The following SYT1 variants were observed in gnomAD, a reference collection of about 807,000 sequenced individuals.
SYT1 encodes the protein synaptotagmin 1.
SYT1 carries 8 observed loss-of-function variants against 44.8 expected under a neutral mutation model. That is an observed-to-expected ratio of 0.18 (90% CI 0.10 to 0.32). The LOEUF (loss-of-function observed/expected upper bound fraction) is 0.32. SYT1 is among the 10% of genes least tolerant of loss of function. SYT1 has a pLI of 1.00. For synonymous variants in SYT1, 154 were observed against 188.8 expected (o/e 0.82, Z 1.51); for missense variants, 286 against 509.3 (o/e 0.56, Z 4.22).
intron 4 of SYT1, among the ~76,000 whole-genome samples, chr12:79,236,562 T>A (rs891516523): frequency 6.6e-6 from 1 of 152,214 alleles, no homozygotes; most frequent in East Asian, 1.9e-4. Flanking sequence ...TATTACTCAT[T>A]TAATATACTT....
chr12:79,258,651 T>TA (rs1877663981), intron 4 of SYT1, among the ~76,000 whole-genome samples: 2 of 152,160 alleles, frequency 1.3e-5, no homozygotes, highest in Admixed American at 1.3e-4. Flanking sequence ...AGAAGACACT[T>TA]ATGTGTAATA....
At chr12:79,101,861 A>G (rs1315395360) in intron 3 of SYT1, among the ~76,000 whole-genome samples, 2 of 152,170 alleles carry the variant, frequency 1.3e-5, no homozygotes, top group Admixed American at 6.5e-5. Flanking sequence ...AGCTATGATC[A>G]TGCCACTGCA....
At chr12:79,143,345 A>T (rs1195494217) in intron 3 of SYT1, among the ~76,000 whole-genome samples, 1 of 152,224 alleles carries the variant, frequency 6.6e-6, no homozygotes, top group Non-Finnish European at 1.5e-5. Context: ...TCTTTTAGGT[A>T]AGCTTATGTA....
intron 3 of SYT1, among the ~76,000 whole-genome samples, chr12:79,178,870 T>A (rs1872072685): frequency 6.7e-6 from 1 of 148,380 alleles, no homozygotes; most frequent in Non-Finnish European, 1.5e-5. Context: ...CTCCTCAGCC[T>A]CCTGAGTAGC....
intron 1 of SYT1, among the ~76,000 whole-genome samples, chr12:78,869,083 A>G (rs1873688923): frequency 6.6e-6 from 1 of 151,466 alleles, no homozygotes; most frequent in Non-Finnish European, 1.5e-5. Context: ...TGGGTGGGAG[A>G]ATGTGGGTTG....
chr12:79,320,708 G>A (rs1020263978), intron 8 of SYT1, among the ~76,000 whole-genome samples: 35 of 125,336 alleles, frequency 2.8e-4, no homozygotes, highest in African/African-American at 8.1e-4. Context: ...TGCAACCTCC[G>A]CCTCCTGGGG....
chr12:79,110,456 G>A (rs1878952615), intron 3 of SYT1, among the ~76,000 whole-genome samples: 1 of 151,852 alleles, frequency 6.6e-6, no homozygotes, highest in Non-Finnish European at 1.5e-5. Context: ...ATTAGTGGTT[G>A]GATTATCTGA....
At chr12:79,125,021 G>T (rs1053833199) in intron 3 of SYT1, among the ~76,000 whole-genome samples, 1 of 151,886 alleles carries the variant, frequency 6.6e-6, no homozygotes, top group Admixed American at 6.6e-5. Flanking sequence ...TGTGGGTTTT[G>T]TTTGGTTTGG....
intron 3 of SYT1, among the ~76,000 whole-genome samples, chr12:79,190,548 T>G (rs1382502607): frequency 6.6e-6 from 1 of 152,118 alleles, no homozygotes; most frequent in African/African-American, 2.4e-5. Context: ...GCAATCTCCA[T>G]GTTACCATCC....
intron 2 of SYT1, among the ~76,000 whole-genome samples, chr12:79,037,797 T>A (rs1375800587): frequency 1.3e-5 from 2 of 151,796 alleles, no homozygotes; most frequent in African/African-American, 2.4e-5. Flanking sequence ...TTTACTCTAT[T>A]ACTTGATGAA....
intron 3 of SYT1, among the ~76,000 whole-genome samples, chr12:79,094,455 T>C (rs1325394665): frequency 3.1e-4 from 47 of 151,840 alleles, no homozygotes; most frequent in Non-Finnish European, 1.5e-5. Flanking sequence ...TTTTATCCCA[T>C]GTAGATACAA....
At position 78,905,473 on chromosome 12, in the gene SYT1, T is replaced by C. The variant is rs968463058; in HGVS notation, c.-217+40364T>C. On this transcript the variant is annotated intron_variant, in intron 1 of 10. Coordinates refer to ENST00000261205, the MANE Select transcript of SYT1 (RefSeq NM_005639.3). ...AACAGTTGTAATAGTAATAGCTAAA[T>C]TGTCTTGAACACTCACTAATATCAG... is the stretch of plus-strand genomic sequence containing the variant. Among the ~76,000 whole-genome samples the C allele has an allele frequency of 1.2e-4, 18 of 152,248 alleles. No homozygotes were observed. In the Middle Eastern group the frequency reaches 0.01, roughly 86 times the overall value.
intron 3 of SYT1, among the ~76,000 whole-genome samples, chr12:79,166,055 T>C (rs1224283257): frequency 6.6e-6 from 1 of 152,026 alleles, no homozygotes; most frequent in African/African-American, 2.4e-5. Context: ...TTGGATATTA[T>C]GTCAGATTCG....
At chr12:79,325,148 G>T (rs1881552314) in intron 8 of SYT1, among the ~76,000 whole-genome samples, 1 of 152,174 alleles carries the variant, frequency 6.6e-6, no homozygotes, top group Non-Finnish European at 1.5e-5. Context: ...CCCAGGAAAA[G>T]CATGGGGGTT....
chr12:79,100,271 G>A (rs1250490667), intron 3 of SYT1, among the ~76,000 whole-genome samples: 1 of 152,088 alleles, frequency 6.6e-6, no homozygotes, highest in East Asian at 1.9e-4. Flanking sequence ...AATTGCCTGA[G>A]GTCACACACC....
intron 3 of SYT1, among the ~76,000 whole-genome samples, chr12:79,077,852 G>A (rs900428620): frequency 2.6e-5 from 4 of 151,774 alleles, no homozygotes; most frequent in East Asian, 1.9e-4. Flanking sequence ...GAAATACCAT[G>A]CCCTTTTTAA....
intron 9 of SYT1, among the ~76,000 whole-genome samples, chr12:79,442,514 C>A (rs1870484273): frequency 6.6e-6 from 1 of 152,094 alleles, no homozygotes; most frequent in Non-Finnish European, 1.5e-5. Context: ...AATCTCCTAA[C>A]AACATATATC....
chr12:79,352,214 G>A (rs1882939937), intron 8 of SYT1, among the ~76,000 whole-genome samples: 2 of 151,820 alleles, frequency 1.3e-5, no homozygotes, highest in Non-Finnish European at 2.9e-5. Context: ...AAACGGGGGG[G>A]AATTACATTT....
At chr12:78,951,305 T>A (rs1031271151) in intron 1 of SYT1, among the ~76,000 whole-genome samples, 2 of 152,108 alleles carry the variant, frequency 1.3e-5, no homozygotes, top group Non-Finnish European at 2.9e-5. Context: ...ACAAAACTTA[T>A]GAAACAATTA....
Sources: gnomAD v4.1 joint callset for allele counts (sites outside exome capture counted in the v4.1 genomes callset) on GRCh38, gnomAD v4.1.1 for gene constraint, MANE v1.5 for transcripts, NCBI Gene and HGNC (gene_info 2026-07-23, HGNC 2026-07-21) for gene names.